SYNE1: variants seen among roughly 807,000 people sequenced by gnomAD.
SYNE1 encodes the protein spectrin repeat containing nuclear envelope protein 1.
SYNE1 carries 616 observed loss-of-function variants against 1,111.0 expected under a neutral mutation model. That is an observed-to-expected ratio of 0.55 (90% CI 0.52 to 0.59). The LOEUF (loss-of-function observed/expected upper bound fraction) is 0.59. Ranked by LOEUF, SYNE1 falls within the 20% of genes least tolerant of loss-of-function variation. The probability of loss-of-function intolerance (pLI) is 0.00; values close to 1 mark genes in which losing one functional copy is unlikely to be tolerated. For synonymous variants in SYNE1, 3,855 were observed against 3,825.8 expected, an observed-to-expected ratio of 1.01 and a Z score of -0.28; for missense variants, 10,006 against 10,417.0, an observed-to-expected ratio of 0.96 and a Z score of 1.72.
At chr6:152,257,405 C>A (rs766585841) in intron 101 of SYNE1, among the ~76,000 whole-genome samples, 17 of 152,116 alleles carry the variant, frequency 1.1e-4, no homozygotes, top group Non-Finnish European at 2.2e-4. Context: ...TGGTGGCATA[C>A]GCCTATAATC....
In SYNE1 at chr6:152,278,108, T is replaced by A; in HGVS notation, c.18554A>T (p.Asp6185Val). The A allele has an allele frequency of 6.2e-7, 1 of 1,614,020 alleles. No homozygotes were observed. Among genetic ancestry groups the A allele is most frequent in the Non-Finnish European group, 8.5e-7 (1 of 1,180,024 alleles). Residue 6185 changes from aspartate to valine, a missense_variant, in exon 98 of 146, where the codon GAT becomes GTT. By Grantham distance (152) the Asp-to-Val change is radical. This residue lies in a region of SYNE1 where 2,182 missense variants were observed against 2,287.8 expected (regional missense o/e 0.95). Coordinates refer to ENST00000367255, the MANE Select transcript of SYNE1 (RefSeq NM_182961.4). ...CCTCACCTGCATGTTGAGCTGCTTATCATGCAGGGCTCTCTGCAGCTCCAG... is the reference window on the plus strand; with the variant it reads ...CCTCACCTGCATGTTGAGCTGCTTAACATGCAGGGCTCTCTGCAGCTCCAG... Reference protein sequence around the residue: ...SLLELQRALHDKQLNMQGTAQ... With the variant: ...SLLELQRALHVKQLNMQGTAQ...
chr6:152,442,157 C>G lies in SYNE1; in HGVS notation c.3926G>C (p.Arg1309Pro). ...AQQGEGGLPD[R>P]GHEELRKLES... ...CAGCTTCCGCAGCTCCTCGTGGCCT[C>G]GGTCAGGCAGCCCCCCTTCTCCCTG... Residue 1309 changes from arginine (R) to proline (P), a missense_variant, in exon 31 of 146, where the codon CGA becomes CCA. Physicochemically the swap from Arg to Pro is moderately radical, Grantham distance 103 (BLOSUM62 -2). Transcript: ENST00000367255. 3 of 1,613,862 alleles carry G rather than the reference C, an allele frequency of 1.9e-6. No homozygotes were observed. Among genetic ancestry groups the G allele is most frequent in the Non-Finnish European group, 2.5e-6 (3 of 1,180,038 alleles).
intron 14 of SYNE1, among the ~76,000 whole-genome samples, chr6:152,479,105 T>C (rs756039791): frequency 2.6e-5 from 4 of 152,108 alleles, no homozygotes; most frequent in African/African-American, 9.7e-5. Context: ...AAAGAGCTTG[T>C]GGAGGGGTCT....
At chr6:152,208,537 C>T (rs1388823899) in intron 124 of SYNE1, among the ~76,000 whole-genome samples, 2 of 152,138 alleles carry the variant, frequency 1.3e-5, no homozygotes, top group Non-Finnish European at 2.9e-5. Context: ...GGAATAGCTG[C>T]AAATCCTAAG....
chr6:152,394,511 G>A (rs1187059934), intron 51 of SYNE1, among the ~76,000 whole-genome samples: 2 of 152,012 alleles, frequency 1.3e-5, no homozygotes, highest in African/African-American at 4.8e-5. Flanking sequence ...CAGGGGTGGA[G>A]CACAAATTTG....
chr6:152,344,273 C>G (rs1000559266), intron 73 of SYNE1, 46 bp from the exon 74 acceptor site: 2 of 1,612,774 alleles, frequency 1.2e-6, no homozygotes, highest in African/African-American at 2.7e-5. Context: ...TGCTTTCTAC[C>G]TCTATAAAGA....
Position 152,256,551 on chromosome 6 carries a change from G to C in SYNE1, c.19104+83C>G. 3 of 1,583,332 alleles carry C rather than the reference G, an allele frequency of 1.9e-6. No individual in the cohort carries two copies. The South Asian group carries it at 3.4e-5, about 18-fold the overall frequency. Reference sequence around the variant, plus strand: ...CTCATGCTCAGGGGTGGATGCAACAGTCTCACAGAGGCCAGGCAAATCAAT... The same window carrying C: ...CTCATGCTCAGGGGTGGATGCAACACTCTCACAGAGGCCAGGCAAATCAAT... On this transcript the variant is annotated intron_variant, in intron 102 of 145. Coordinates refer to ENST00000367255, the MANE Select transcript of SYNE1 (RefSeq NM_182961.4).
rs745877128 is a variant in SYNE1, at chr6:152,133,303, C to T, written c.25974G>A (p.Lys8658=). 6 of 1,614,060 alleles carry T rather than the reference C, an allele frequency of 3.7e-6. No individual in the cohort carries two copies. The Middle Eastern group carries it at 6.6e-4, about 177-fold the overall frequency. ...EVSRHIKELE[K]LLDVSSSQQD... ...GCTGACTACTTGACACGTCTAATAA[C>T]TTCTCCAGTTCCTTGATATGACGAC... The change falls in exon 143 of 146, where the codon AAG becomes AAA. Residue 8658 remains lysine, a synonymous_variant. Coordinates refer to ENST00000367255, the MANE Select transcript of SYNE1 (RefSeq NM_182961.4).
intron 3 of SYNE1, among the ~76,000 whole-genome samples, chr6:152,568,398 G>A (rs1355619041): frequency 1.4e-5 from 2 of 147,522 alleles, no homozygotes; most frequent in Non-Finnish European, 3.0e-5. Context: ...TACCTCCTGG[G>A]TCCAAGTAAT....
intron 45 of SYNE1, among the ~76,000 whole-genome samples, chr6:152,406,372 C>A (rs2097901045): frequency 6.6e-6 from 1 of 151,774 alleles, no homozygotes; most frequent in Admixed American, 6.6e-5. Context: ...CAAACACTTC[C>A]AATTTGGTTT....
intron 97 of SYNE1, among the ~76,000 whole-genome samples, chr6:152,281,359 A>C (rs539185941): frequency 2.6e-5 from 4 of 152,350 alleles, no homozygotes; most frequent in African/African-American, 7.2e-5. Context: ...TCCCATCTTC[A>C]GTCTCCCTGT....
At chr6:152,235,694 C>T (rs986569699) in intron 110 of SYNE1, among the ~76,000 whole-genome samples, 12 of 152,090 alleles carry the variant, frequency 7.9e-5, no homozygotes, top group African/African-American at 2.4e-4. Flanking sequence ...CTATACAATA[C>T]GTTTCTAGAG....
At chr6:152,470,065 T>G (rs2098796808) in intron 16 of SYNE1, among the ~76,000 whole-genome samples, 1 of 152,184 alleles carries the variant, frequency 6.6e-6, no homozygotes, top group Admixed American at 6.5e-5. Context: ...AATTAAAGCA[T>G]GCTACGTATG....
At chr6:152,278,308 TC>T in intron 97 of SYNE1, 28 bp from the exon 98 acceptor site, 1 of 1,611,694 alleles carries the variant, frequency 6.2e-7, no homozygotes, top group African/African-American at 1.3e-5. Context: ...AGAATGAAAC[TC>T]ACACATCTCC....
At chr6:152,405,284 C>T (rs1011031787) in intron 45 of SYNE1, among the ~76,000 whole-genome samples, 5 of 152,168 alleles carry the variant, frequency 3.3e-5, no homozygotes, top group African/African-American at 1.2e-4. Flanking sequence ...CATATTGAAT[C>T]ATTGGATTTC....
chr6:152,487,224 C>T (rs2098945844), intron 12 of SYNE1, among the ~76,000 whole-genome samples: 1 of 152,128 alleles, frequency 6.6e-6, no homozygotes, highest in Admixed American at 6.5e-5. Flanking sequence ...CCCACAGGCC[C>T]CAGTGTGTGT....
At chr6:152,278,776 GT>G (rs376339656) in intron 97 of SYNE1, among the ~76,000 whole-genome samples, 2 of 148,656 alleles carry the variant, frequency 1.3e-5, no homozygotes, top group Admixed American at 6.7e-5. Flanking sequence ...TTTTGTTTTT[GT>G]TTTTTTTTGA....
At chr6:152,229,125 A>G (rs2082197147) in intron 115 of SYNE1, among the ~76,000 whole-genome samples, 2 of 152,192 alleles carry the variant, frequency 1.3e-5, no homozygotes, top group African/African-American at 4.8e-5. Context: ...AATGATTGGA[A>G]GAGAGATCAT....
In SYNE1 at chr6:152,626,861, G is replaced by A. The variant is rs1164977680; in HGVS notation, c.67+1404C>T. ...TAGCTGTGAGCATGTTCTGGGTCAT[G>A]AATACCCCGATTTAAGAGCTTGGTA... is the stretch of plus-strand genomic sequence containing the variant. On this transcript the variant is annotated intron_variant, in intron 3 of 145. Coordinates refer to ENST00000367255, the MANE Select transcript of SYNE1 (RefSeq NM_182961.4). Among the ~76,000 whole-genome samples the A allele has an allele frequency of 5.3e-5, 8 of 152,294 alleles. No homozygotes were observed. The East Asian group carries it at 1.5e-3, about 29-fold the overall frequency.
Sources: allele counts gnomAD v4.1 joint callset (sites outside exome capture counted in the v4.1 genomes callset), GRCh38; gene constraint gnomAD v4.1.1; regional missense constraint gnomAD v4.1.1; transcripts MANE v1.5; gene names NCBI Gene and HGNC (gene_info 2026-07-23, HGNC 2026-07-21).